The following SETBP1 variants were observed in gnomAD, a reference collection of about 807,000 sequenced individuals.
The protein encoded by SETBP1 is SET binding protein 1, also known as SET-binding protein.
A neutral mutation model predicts 101.0 loss-of-function variants in SETBP1; 9 were observed. The ratio of observed to expected loss-of-function variants is 0.09; its 90% CI spans 0.05 to 0.16. SETBP1 has a LOEUF of 0.16. SETBP1 is among the 10% of genes least tolerant of loss of function. The pLI, the probability that SETBP1 is intolerant of heterozygous loss-of-function variation, is 1.00. For missense variants in SETBP1, 1,858 were observed against 2,033.8 expected (o/e 0.91, Z 1.66); for synonymous variants, 818 against 788.5 (o/e 1.04, Z -0.63).
chr18:44,850,502 C>G (rs626498), intron 2 of SETBP1, among the ~76,000 whole-genome samples: 47,526 of 151,870 alleles, frequency 0.31, 7,427 homozygotes, highest in South Asian at 0.38. Context: ...TCCCAAGTAG[C>G]TGAGACTACA....
chr18:44,913,352 G>T (rs900945085), intron 3 of SETBP1, among the ~76,000 whole-genome samples: 1 of 152,168 alleles, frequency 6.6e-6, no homozygotes, highest in African/African-American at 2.4e-5. Context: ...CTGTCCTTCT[G>T]CTCTGCCATC....
At chr18:44,908,130 A>G (rs2070219282) in intron 3 of SETBP1, among the ~76,000 whole-genome samples, 1 of 151,422 alleles carries the variant, frequency 6.6e-6, no homozygotes, top group Admixed American at 6.6e-5. Flanking sequence ...GCGTGATCTC[A>G]GCTTACTGCA....
intron 2 of SETBP1, among the ~76,000 whole-genome samples, chr18:44,737,435 A>G (rs1330562501): frequency 1.3e-5 from 2 of 152,214 alleles, no homozygotes; most frequent in Non-Finnish European, 1.5e-5. Flanking sequence ...ATATATACAC[A>G]CACACCCAAC....
intron 2 of SETBP1, among the ~76,000 whole-genome samples, chr18:44,762,620 C>G (rs1448802040): frequency 6.6e-6 from 1 of 152,076 alleles, no homozygotes; most frequent in African/African-American, 2.4e-5. Flanking sequence ...AGATATGGGT[C>G]AAGAGTTTCC....
At chr18:44,728,430 A>G (rs1348909742) in intron 2 of SETBP1, among the ~76,000 whole-genome samples, 1 of 152,186 alleles carries the variant, frequency 6.6e-6, no homozygotes, top group African/African-American at 2.4e-5. Flanking sequence ...GCAGGTAATC[A>G]AATTTAAGTG....
At chr18:45,052,125 A>G (rs972672841) in intron 5 of SETBP1, among the ~76,000 whole-genome samples, 1 of 152,220 alleles carries the variant, frequency 6.6e-6, no homozygotes, top group African/African-American at 2.4e-5. Context: ...GCCTGAATCA[A>G]TGTTTATTCC....
At chr18:44,866,400 G>A (rs1410774539) in intron 2 of SETBP1, among the ~76,000 whole-genome samples, 2 of 152,190 alleles carry the variant, frequency 1.3e-5, no homozygotes, top group Non-Finnish European at 2.9e-5. Flanking sequence ...CCTCTGGGCT[G>A]ACAATATTTC....
chr18:44,935,298 G>A (rs531485397), intron 3 of SETBP1, among the ~76,000 whole-genome samples: 1 of 152,194 alleles, frequency 6.6e-6, no homozygotes, highest in Non-Finnish European at 1.5e-5. Flanking sequence ...AGCCCTAATG[G>A]CAAAAAACAC....
intron 2 of SETBP1, among the ~76,000 whole-genome samples, chr18:44,822,934 A>G (rs928547139): frequency 2.0e-5 from 3 of 152,208 alleles, no homozygotes; most frequent in African/African-American, 7.2e-5. Context: ...CCAGAGGGTC[A>G]GGAGTTTGAG....
chr18:44,880,309 G>C (rs2069500844), intron 3 of SETBP1, among the ~76,000 whole-genome samples: 1 of 152,206 alleles, frequency 6.6e-6, no homozygotes. Flanking sequence ...CAGAACTCTT[G>C]TTTCCAGCAA....
chr18:44,951,618 G>C lies in SETBP1; in HGVS notation c.2278G>C (p.Ala760Pro), dbSNP rs2071353544. The C allele has an allele frequency of 6.2e-7, 1 of 1,614,050 alleles. No homozygotes were observed. The highest frequency in any genetic ancestry group is 1.3e-5 in the African/African-American group (1 of 74,918). ...RPVSSQPDVP[A>P]VPSNFQSLVA... ...TGTTTCTAGCCAGCCGGATGTTCCA[G>C]CCGTGCCTTCCAACTTTCAGTCACT... is the stretch of plus-strand genomic sequence containing the variant. Residue 760 changes from alanine to proline, a missense_variant, in exon 4 of 6, where the codon GCC becomes CCC. Physicochemically the swap from Ala to Pro is conservative, Grantham distance 27 (BLOSUM62 -1). Coordinates refer to ENST00000649279, the MANE Select transcript of SETBP1 (RefSeq NM_015559.3). This position sits in a 1 kb window ranked among gnomAD's most constrained non-coding sequence, Gnocchi z 7.8.
At chr18:44,865,567 A>T (rs2069111245) in intron 2 of SETBP1, among the ~76,000 whole-genome samples, 1 of 152,200 alleles carries the variant, frequency 6.6e-6, no homozygotes, top group Non-Finnish European at 1.5e-5. Flanking sequence ...ACCATATATT[A>T]GTGCCTGAGG....
At position 44,950,439 on chromosome 18, in the gene SETBP1, G is replaced by A; in HGVS notation, c.1099G>A (p.Gly367Arg). ...CCAGAAAGCATTTGACAATACAGAAGGGAAAAGGGAAGGTTATTCCGCAGA... is the reference window on the plus strand; with the variant it reads ...CCAGAAAGCATTTGACAATACAGAAAGGAAAAGGGAAGGTTATTCCGCAGA... ...NAQKAFDNTE[G>R]KREGYSADSA... Residue 367 changes from glycine (G) to arginine (R), a missense_variant, in exon 4 of 6, where the codon GGG becomes AGG. This residue lies in a region of SETBP1 where 581 missense variants were observed against 535.1 expected (regional missense o/e 1.09). Coordinates refer to ENST00000649279, the MANE Select transcript of SETBP1 (RefSeq NM_015559.3). 6.2e-7 allele frequency: 1 copy of A among 1,614,156 alleles called. No homozygotes were observed. The highest frequency in any genetic ancestry group is 8.5e-7 in the Non-Finnish European group (1 of 1,180,052).
chr18:45,050,575 T>C (rs2073705342), intron 5 of SETBP1, among the ~76,000 whole-genome samples: 1 of 152,196 alleles, frequency 6.6e-6, no homozygotes, highest in Non-Finnish European at 1.5e-5. Context: ...GACCAGATAG[T>C]CTTCATGAGA....
At chr18:44,749,502 GC>G (rs1308251187) in intron 2 of SETBP1, among the ~76,000 whole-genome samples, 7 of 152,162 alleles carry the variant, frequency 4.6e-5, no homozygotes, top group Admixed American at 4.6e-4. Context: ...GGGAGATGGA[GC>G]TTTTCCCTGG....
intron 2 of SETBP1, among the ~76,000 whole-genome samples, chr18:44,745,307 G>C (rs1016291863): frequency 1.3e-5 from 2 of 152,090 alleles, no homozygotes; most frequent in East Asian, 1.9e-4. Flanking sequence ...TATTCTTTTG[G>C]TGTGTTTCTT....
chr18:44,866,824 T>C (rs1157922898), intron 2 of SETBP1, among the ~76,000 whole-genome samples: 2 of 152,198 alleles, frequency 1.3e-5, no homozygotes, highest in African/African-American at 4.8e-5. Flanking sequence ...GATGGATAAA[T>C]GGTCATTATC....
intron 3 of SETBP1, among the ~76,000 whole-genome samples, chr18:44,892,332 T>C (rs764416616): frequency 6.6e-5 from 10 of 152,276 alleles, no homozygotes; most frequent in Non-Finnish European, 1.2e-4. Flanking sequence ...AATGGCCTTA[T>C]ATGGGAATTA....
Position 44,951,256 on chromosome 18 carries a change from A to G in SETBP1, c.1916A>G (p.Glu639Gly), listed in dbSNP as rs187990800. The G allele has an allele frequency of 1.7e-5, 27 of 1,614,012 alleles. 1 individual carries two copies. The Admixed American group carries it at 4.2e-4, about 25-fold the overall frequency. Reference protein sequence around the residue: ...LAKLAQLVPGEDKPMSEMKFH... With the variant: ...LAKLAQLVPGGDKPMSEMKFH... ...AAGTTGGCCCAGCTAGTGCCGGGAG[A>G]GGACAAACCCATGAGCGAGATGAAA... Residue 639 changes from glutamate (E) to glycine (G), a missense_variant, in exon 4 of 6, where the codon GAG becomes GGG. Transcript: ENST00000649279. This position sits in a 1 kb window ranked among gnomAD's most constrained non-coding sequence, Gnocchi z 7.8.
Sources: gnomAD v4.1 joint callset for allele counts (sites outside exome capture counted in the v4.1 genomes callset) on GRCh38, gnomAD v4.1.1 for gene constraint, gnomAD v4.1.1 regional missense constraint, Gnocchi (gnomAD v3.1) non-coding constraint, MANE v1.5 for transcripts, NCBI Gene and HGNC (gene_info 2026-07-23, HGNC 2026-07-21) for gene names.